EEPD1: variants seen among roughly 807,000 people sequenced by gnomAD.
EEPD1 encodes the protein endonuclease/exonuclease/phosphatase family domain containing 1, also known as endonuclease/exonuclease/phosphatase family domain-containing protein 1.
In EEPD1, 17 loss-of-function variants were observed where a neutral mutation model predicts 46.3. That is an observed-to-expected ratio of 0.37 (90% confidence interval 0.25 to 0.55). The LOEUF (loss-of-function observed/expected upper bound fraction) is 0.55, where lower values mean the gene tolerates loss of function less well. Ranked by LOEUF, EEPD1 falls within the 20% of genes least tolerant of loss-of-function variation. EEPD1 has a pLI of 0.83. For synonymous variants in EEPD1, 313 were observed against 315.6 expected, an observed-to-expected ratio of 0.99 and a Z score of 0.09; for missense variants, 673 against 745.6, an observed-to-expected ratio of 0.90 and a Z score of 1.13.
chr7:36,214,739 A>T (rs1175369729), intron 2 of EEPD1, among the ~76,000 whole-genome samples: 1 of 152,196 alleles, frequency 6.6e-6, no homozygotes, highest in African/African-American at 2.4e-5. Context: ...AGTTGTTGCA[A>T]CCTAACTAGC....
chr7:36,193,356 G>A lies in EEPD1; in HGVS notation c.878+38154G>A, dbSNP rs533122646. Among the ~76,000 whole-genome samples the A allele has an allele frequency of 5.3e-5, 8 of 152,154 alleles. No homozygotes were observed. The highest frequency in any genetic ancestry group is 4.4e-5 in the Non-Finnish European group (3 of 68,014). ...GCCTGGAGAGGGGAGGAATGAAGGC[G>A]GGATGAGGTATGGCCAGAGAGCAGA... On this transcript the variant is annotated intron_variant, in intron 2 of 7. Coordinates refer to ENST00000242108, the MANE Select transcript of EEPD1 (RefSeq NM_030636.3). The surrounding 1 kb of genome is among the most constrained non-coding windows in gnomAD (Gnocchi z 4.9).
intron 3 of EEPD1, among the ~76,000 whole-genome samples, chr7:36,274,216 G>A (rs1787152577): frequency 6.6e-6 from 1 of 152,244 alleles, no homozygotes; most frequent in Admixed American, 6.5e-5. Context: ...GAGGGAGAAA[G>A]AAGGTTGAAA....
At chr7:36,210,607 T>C (rs1785910230) in intron 2 of EEPD1, among the ~76,000 whole-genome samples, 1 of 152,206 alleles carries the variant, frequency 6.6e-6, no homozygotes, top group African/African-American at 2.4e-5. Context: ...CTGTGTGGCC[T>C]GCCTGGCTGG....
chr7:36,217,240 G>A (rs1786044463), intron 2 of EEPD1, among the ~76,000 whole-genome samples: 1 of 152,264 alleles, frequency 6.6e-6, no homozygotes, highest in Non-Finnish European at 1.5e-5. Context: ...TTTTTCATGA[G>A]TTTTCAGGGA....
intron 2 of EEPD1, among the ~76,000 whole-genome samples, chr7:36,236,438 C>G (rs923560468): frequency 1.3e-5 from 2 of 152,226 alleles, no homozygotes; most frequent in African/African-American, 4.8e-5. Flanking sequence ...GTTCCCTCTT[C>G]GCGGGATTGT....
intron 3 of EEPD1, among the ~76,000 whole-genome samples, chr7:36,247,281 A>G (rs1305875073): frequency 6.6e-6 from 1 of 152,240 alleles, no homozygotes; most frequent in Non-Finnish European, 1.5e-5. Context: ...GATGTGTGTG[A>G]ATAACCTAAG....
At chr7:36,210,662 C>A (rs907408387) in intron 2 of EEPD1, among the ~76,000 whole-genome samples, 5 of 152,202 alleles carry the variant, frequency 3.3e-5, no homozygotes, top group Non-Finnish European at 7.3e-5. Context: ...CCAGCTCCAG[C>A]TGTCCTGCCT....
At chr7:36,249,034 C>CACACAT (rs3221650) in intron 3 of EEPD1, among the ~76,000 whole-genome samples, 10 of 151,546 alleles carry the variant, frequency 6.6e-5, no homozygotes, top group Admixed American at 2.0e-4. Context: ...CACACACACA[C>CACACAT]ATTTTCTCCT....
In EEPD1 at chr7:36,299,284, G is replaced by C; in HGVS notation, c.*78G>C. The C allele has an allele frequency of 6.8e-7, 1 of 1,474,098 alleles. No homozygotes were observed. 91.3% of individuals were successfully genotyped at this position (1,474,098 alleles called of 1,614,324 possible). ...ATGAGCCCTGTGGGGTGACGCTTCA[G>C]GGCAGAGCTGCCTTTTAATTTTTAT... On this transcript the variant is annotated 3_prime_UTR_variant, in exon 8 of 8. Transcript: ENST00000242108.
At position 36,192,823 on chromosome 7, in the gene EEPD1, G is replaced by A. The variant is rs552492084; in HGVS notation, c.878+37621G>A. Among the ~76,000 whole-genome samples the A allele has an allele frequency of 7.9e-5, 12 of 152,350 alleles. No homozygotes were observed. In the South Asian group the frequency reaches 1.7e-3, roughly 21 times the overall value. ...GACCTTCTGGATCAAGAAACACAGAGCATCCGAGTGGGAAGCATTCTGTCT... is the reference window on the plus strand; with the variant it reads ...GACCTTCTGGATCAAGAAACACAGAACATCCGAGTGGGAAGCATTCTGTCT... On this transcript the variant is annotated intron_variant, in intron 2 of 7. Coordinates refer to ENST00000242108, the MANE Select transcript of EEPD1 (RefSeq NM_030636.3).
intron 3 of EEPD1, among the ~76,000 whole-genome samples, chr7:36,250,582 A>G (rs965544353): frequency 2.6e-5 from 4 of 152,210 alleles, no homozygotes; most frequent in African/African-American, 9.6e-5. Flanking sequence ...CTATAACGAC[A>G]GGTTAAGTTG....
rs118075620 is a variant in EEPD1, at chr7:36,159,201, G to A, written c.878+3999G>A. Among the ~76,000 whole-genome samples, 18 of 152,284 alleles carry A rather than the reference G, an allele frequency of 1.2e-4. No individual in the cohort carries two copies. In the East Asian group the frequency reaches 3.5e-3, roughly 29 times the overall value. On this transcript the variant is annotated intron_variant, in intron 2 of 7. Coordinates refer to ENST00000242108, the MANE Select transcript of EEPD1 (RefSeq NM_030636.3). The stretch of plus-strand genomic sequence containing the variant: ...GTGTGCATATATAAGCTAATTTCAG[G>A]GATCAGCTTCGCCCTGTTACTTACC...
chr7:36,192,334 G>A (rs1785476399), intron 2 of EEPD1, among the ~76,000 whole-genome samples: 1 of 152,190 alleles, frequency 6.6e-6, no homozygotes, highest in South Asian at 2.1e-4. Flanking sequence ...CGTGAATTGA[G>A]GAGAAAAACT....
At chr7:36,182,418 G>A (rs987687130) in intron 2 of EEPD1, among the ~76,000 whole-genome samples, 2 of 152,182 alleles carry the variant, frequency 1.3e-5, no homozygotes, top group Non-Finnish European at 2.9e-5. Context: ...TGTGGGAACC[G>A]GATTTCTCAG....
Position 36,154,426 on chromosome 7 carries a change from A to G in EEPD1, c.102A>G (p.Leu34=). 2 of 1,614,162 alleles carry G rather than the reference A, an allele frequency of 1.2e-6. No individual in the cohort carries two copies. Among genetic ancestry groups the G allele is most frequent in the Non-Finnish European group, 1.7e-6 (2 of 1,180,028 alleles). The change falls in exon 2 of 8, where the codon CTA becomes CTG. Residue 34 remains leucine, a synonymous_variant. Coordinates refer to ENST00000242108, the MANE Select transcript of EEPD1 (RefSeq NM_030636.3). This position sits in a 1 kb window ranked among gnomAD's most constrained non-coding sequence, Gnocchi z 4.2. ...FSAACNFSNI[L]VNQERLNINT... The stretch of plus-strand genomic sequence containing the variant: ...CAGCCTGTAACTTCAGCAACATTCT[A>G]GTGAATCAGGAGCGGCTCAACATCA...
intron 2 of EEPD1, among the ~76,000 whole-genome samples, chr7:36,223,191 A>G (rs906109545): frequency 1.3e-4 from 19 of 150,444 alleles, no homozygotes; most frequent in Non-Finnish European, 2.1e-4. Flanking sequence ...AGTAATAATA[A>G]GAAATAAATT....
intron 3 of EEPD1, among the ~76,000 whole-genome samples, chr7:36,278,521 T>C (rs962317448): frequency 3.3e-5 from 5 of 151,244 alleles, no homozygotes; most frequent in African/African-American, 1.2e-4. Context: ...GGGGGGGCGC[T>C]TCTTAAAAAT....
chr7:36,213,554 A>G (rs1583812685), intron 2 of EEPD1, among the ~76,000 whole-genome samples: 1 of 152,202 alleles, frequency 6.6e-6, no homozygotes, highest in East Asian at 1.9e-4. Context: ...GTGATTGCCC[A>G]GGAGTGGCAT....
chr7:36,261,094 A>T (rs1403716768), intron 3 of EEPD1, among the ~76,000 whole-genome samples: 2 of 152,228 alleles, frequency 1.3e-5, no homozygotes, highest in Admixed American at 1.3e-4. Context: ...ATGACTGTGT[A>T]TGTATAGATG....
Sources: allele counts gnomAD v4.1 joint callset (sites outside exome capture counted in the v4.1 genomes callset), GRCh38; gene constraint gnomAD v4.1.1; non-coding constraint Gnocchi (gnomAD v3.1); transcripts MANE v1.5; gene names NCBI Gene and HGNC (gene_info 2026-07-23, HGNC 2026-07-21).